Variants in GORASP2 observed in about 807,000 individuals in gnomAD.
GORASP2 encodes the protein Golgi reassembly-stacking protein 2.
In GORASP2, 22 loss-of-function variants were observed where a neutral mutation model predicts 45.7. The observed-to-expected ratio is 0.48, with a 90% CI of 0.34 to 0.69. GORASP2 has a LOEUF of 0.69. Among genes scored for constraint, GORASP2 ranks in the 30% least tolerant of loss-of-function variants. The pLI, the probability that GORASP2 is intolerant of heterozygous loss-of-function variation, is 0.01. For missense variants in GORASP2, 491 were observed against 562.7 expected (o/e 0.87, Z 1.29); for synonymous variants, 221 against 215.6 (o/e 1.02, Z -0.22).
At chr2:170,947,670 T>A (rs1219746690) in intron 1 of GORASP2, among the ~76,000 whole-genome samples, 1 of 152,186 alleles carries the variant, frequency 6.6e-6, no homozygotes, top group African/African-American at 2.4e-5. Flanking sequence ...AGTGGTGCCT[T>A]GCTAGTAGTA....
chr2:170,938,332 C>CAGTT (rs1268929111), intron 1 of GORASP2, among the ~76,000 whole-genome samples: 1 of 152,168 alleles, frequency 6.6e-6, no homozygotes, highest in East Asian at 1.9e-4. Flanking sequence ...GATTAAGCAA[C>CAGTT]AGTTACTTTT....
intron 9 of GORASP2, among the ~76,000 whole-genome samples, chr2:170,963,220 T>C (rs538976132): frequency 3.3e-5 from 5 of 151,912 alleles, no homozygotes; most frequent in East Asian, 3.9e-4. Context: ...TGAAAAAATA[T>C]AAACATTAGC....
At chr2:170,937,697 G>A (rs1320673889) in intron 1 of GORASP2, among the ~76,000 whole-genome samples, 1 of 152,054 alleles carries the variant, frequency 6.6e-6, no homozygotes, top group Non-Finnish European at 1.5e-5. Context: ...AAAGGAGGAA[G>A]CACCTGGTAC....
rs764182251 is a variant in GORASP2, at chr2:170,949,539, A to G, written c.145A>G (p.Asn49Asp). 1 of 1,611,878 alleles carries G rather than the reference A, an allele frequency of 6.2e-7. No homozygotes were observed. The highest frequency in any genetic ancestry group is 8.5e-7 in the Non-Finnish European group (1 of 1,178,002). The change falls in exon 3 of 10, where the codon AAT becomes GAT. Residue 49 changes from asparagine (N) to aspartate (D), a missense_variant and splice_region_variant. Physicochemically the swap from Asn to Asp is conservative, Grantham distance 23. Coordinates refer to ENST00000234160, the MANE Select transcript of GORASP2 (RefSeq NM_015530.5). Reference sequence around the variant, plus strand: ...GAATGTGATTTCTATGTGTTCACAGAATAAAGACAATGACACTCTTAAGGA... The same window carrying G: ...GAATGTGATTTCTATGTGTTCACAGGATAAAGACAATGACACTCTTAAGGA... Reference protein sequence around the residue: ...FIVSINGSRLNKDNDTLKDLL... With the variant: ...FIVSINGSRLDKDNDTLKDLL...
chr2:170,959,086 G>A (rs1021163525), intron 7 of GORASP2, among the ~76,000 whole-genome samples: 5 of 151,544 alleles, frequency 3.3e-5, no homozygotes, highest in Non-Finnish European at 2.9e-5. Context: ...CCAGCCTCCC[G>A]AGTAGCTGGG....
chr2:170,964,696 C>CT (rs1419772968), intron 9 of GORASP2, among the ~76,000 whole-genome samples: 1 of 151,894 alleles, frequency 6.6e-6, no homozygotes, highest in African/African-American at 2.4e-5. Context: ...AGTAGTCAAA[C>CT]TACCATTTAC....
chr2:170,943,934 C>T (rs1357848193), intron 1 of GORASP2, among the ~76,000 whole-genome samples: 1 of 152,120 alleles, frequency 6.6e-6, no homozygotes, highest in Non-Finnish European at 1.5e-5. Context: ...CCTCTGCCTC[C>T]CAAAGTGCTG....
intron 2 of GORASP2, among the ~76,000 whole-genome samples, chr2:170,949,133 A>G (rs1267771378): frequency 2.6e-5 from 4 of 152,184 alleles, no homozygotes; most frequent in African/African-American, 7.2e-5. Flanking sequence ...CCAGCTCTTA[A>G]TAAAGCATGT....
rs751045635 is a variant in GORASP2, at chr2:170,962,849, T to C, written c.921T>C (p.Pro307=). ...NPATTLPGLM[P]LPAGLPNLPN... is the part of the protein sequence containing the mutation. ...CTGCCTTCTCTTCAGGTCTGATGCC[T>C]TTACCAGCAGGACTGCCCAACCTCC... The change falls in exon 9 of 10, where the codon CCT becomes CCC. Residue 307 remains proline, a synonymous_variant. Transcript: ENST00000234160. 3 of 1,612,568 alleles carry C rather than the reference T, an allele frequency of 1.9e-6. No homozygotes were observed. Among genetic ancestry groups the C allele is most frequent in the South Asian group, 2.2e-5 (2 of 91,054 alleles).
In GORASP2 at chr2:170,931,578, A is replaced by G. The variant is rs145724152; in HGVS notation, c.63+2175A>G. ...TCTTGAATAACCAATTCCCTGGCCA[A>G]TCTTGTTGTAGTAAAAACTTAATAT... On this transcript the variant is annotated intron_variant, in intron 1 of 9. Transcript: ENST00000234160. Among the ~76,000 whole-genome samples the G allele has an allele frequency of 4.1e-4, 63 of 152,334 alleles. 1 individual carries two copies. Among genetic ancestry groups the G allele is most frequent in the Middle Eastern group, 3.4e-3 (1 of 294 alleles).
rs1392248731 is a variant in GORASP2 at position 170,961,714 on chromosome 2, C to T, written c.875C>T (p.Ser292Phe). The change falls in exon 8 of 10, where the codon TCT becomes TTT. Residue 292 changes from serine (S) to phenylalanine (F), a missense_variant. Coordinates refer to ENST00000234160, the MANE Select transcript of GORASP2 (RefSeq NM_015530.5). ...LPPQVNQSLT[S>F]VPPMNPATTL... ...CCACAAGTAAACCAGTCCCTCACTT[C>T]TGTGCCACCAATGAATCCAGCTACT... is the stretch of plus-strand genomic sequence containing the variant. 2.5e-6 allele frequency: 4 copies of T among 1,600,606 alleles called. No homozygotes were observed. Among genetic ancestry groups the T allele is most frequent in the East Asian group, 4.5e-5 (2 of 44,818 alleles).
intron 1 of GORASP2, among the ~76,000 whole-genome samples, chr2:170,942,064 T>C (rs550272342): frequency 6.6e-6 from 1 of 152,324 alleles, no homozygotes; most frequent in East Asian, 1.9e-4. Context: ...TAGTGTTGCA[T>C]TGTGGTTTTA....
At chr2:170,936,420 A>G (rs114512501) in intron 1 of GORASP2, among the ~76,000 whole-genome samples, 3,389 of 151,682 alleles carry the variant, frequency 0.022, 59 homozygotes, top group Non-Finnish European at 0.033. Context: ...AGATCTTTCT[A>G]TGTTGCCCAG....
chr2:170,930,799 G>C (rs1703804852), intron 1 of GORASP2, among the ~76,000 whole-genome samples: 2 of 152,100 alleles, frequency 1.3e-5, no homozygotes, highest in South Asian at 4.1e-4. Context: ...TGAAAGCTGT[G>C]CTTTTCTTTC....
intron 3 of GORASP2, 108 bp from the exon 4 acceptor site, chr2:170,950,096 C>A: frequency 3.3e-6 from 2 of 610,388 alleles, no homozygotes; most frequent in South Asian, 2.2e-5. Context: ...TCTAGCAAGA[C>A]AGAAGTATAC....
chr2:170,948,312 C>G (rs1218164071), intron 1 of GORASP2, 38 bp from the exon 2 acceptor site: 2 of 1,190,720 alleles, frequency 1.7e-6, no homozygotes, highest in African/African-American at 3.0e-5. Flanking sequence ...TTCACCTAAG[C>G]TTTACATTTT....
chr2:170,941,879 G>A (rs1704084133), intron 1 of GORASP2, among the ~76,000 whole-genome samples: 1 of 152,068 alleles, frequency 6.6e-6, no homozygotes, highest in African/African-American at 2.4e-5. Context: ...ATATACCCAA[G>A]GTTGGAATAT....
chr2:170,929,862 A>T (rs1225520060), intron 1 of GORASP2: 1 of 448,830 alleles, frequency 2.2e-6, no homozygotes, highest in Admixed American at 2.5e-5. Context: ...CTGCGGCGGC[A>T]GGTGTTAAAT....
intron 1 of GORASP2, among the ~76,000 whole-genome samples, chr2:170,935,747 T>G (rs1703934565): frequency 6.6e-6 from 1 of 151,946 alleles, no homozygotes; most frequent in Non-Finnish European, 1.5e-5. Flanking sequence ...GCTAATTTTT[T>G]GTATTTTCGG....
Sources: gnomAD v4.1 joint callset for allele counts (sites outside exome capture counted in the v4.1 genomes callset) on GRCh38, gnomAD v4.1.1 for gene constraint, MANE v1.5 for transcripts, NCBI Gene and HGNC (gene_info 2026-07-23, HGNC 2026-07-21) for gene names.